ADAMTSL3: variants seen among roughly 807,000 people sequenced by gnomAD.
ADAMTSL3 encodes ADAMTS-like protein 3.
A neutral mutation model predicts 201.7 loss-of-function variants in ADAMTSL3; 128 were observed. The observed-to-expected ratio is 0.63, with a 90% CI of 0.55 to 0.73. The LOEUF (loss-of-function observed/expected upper bound fraction) is 0.73. ADAMTSL3 is among the 30% of genes least tolerant of loss of function. The pLI, the probability that ADAMTSL3 is intolerant of heterozygous loss-of-function variation, is 0.00. For missense variants in ADAMTSL3, 1,990 were observed against 2,119.6 expected, an observed-to-expected ratio of 0.94 and a Z score of 1.20; for synonymous variants, 738 against 748.4, an observed-to-expected ratio of 0.99 and a Z score of 0.23.
chr15:83,766,500 A>T (rs939545385), intron 3 of ADAMTSL3, among the ~76,000 whole-genome samples: 1 of 152,228 alleles, frequency 6.6e-6, no homozygotes, highest in African/African-American at 2.4e-5. Context: ...AAAAGACTTC[A>T]TAGAGATATC....
intron 6 of ADAMTSL3, among the ~76,000 whole-genome samples, chr15:83,837,841 T>A (rs774964014): frequency 3.6e-4 from 54 of 150,704 alleles, no homozygotes; most frequent in Non-Finnish European, 7.0e-4. Context: ...AAAATATAAA[T>A]AGAAAAGGGA....
chr15:84,033,884 C>G (rs2141944022), intron 28 of ADAMTSL3, among the ~76,000 whole-genome samples: 1 of 152,072 alleles, frequency 6.6e-6, no homozygotes, highest in Non-Finnish European at 1.5e-5. Context: ...TCAAGAGGCT[C>G]AAAATCTGAT....
intron 17 of ADAMTSL3, among the ~76,000 whole-genome samples, chr15:83,932,604 A>T (rs1327131270): frequency 6.6e-6 from 1 of 152,222 alleles, no homozygotes; most frequent in Non-Finnish European, 1.5e-5. Context: ...AATGGAAGGA[A>T]TCAGAAAGGC....
intron 23 of ADAMTSL3, among the ~76,000 whole-genome samples, chr15:84,003,274 A>G (rs952817147): frequency 6.6e-6 from 1 of 151,862 alleles, no homozygotes; most frequent in East Asian, 1.9e-4. Context: ...TGGTTACCAT[A>G]TTTCTGATAT....
chr15:83,689,132 T>C (rs888302766), intron 2 of ADAMTSL3, among the ~76,000 whole-genome samples: 2 of 152,226 alleles, frequency 1.3e-5, no homozygotes, highest in Non-Finnish European at 2.9e-5. Flanking sequence ...CTAAAACTTA[T>C]TTTATTATAA....
At chr15:83,678,930 A>G (rs1359019772) in intron 2 of ADAMTSL3, among the ~76,000 whole-genome samples, 1 of 148,646 alleles carries the variant, frequency 6.7e-6, no homozygotes, top group Admixed American at 6.7e-5. Flanking sequence ...TTATATATAT[A>G]TATTTCTTCT....
rs1338276930 is a variant in ADAMTSL3 at position 83,820,090 on chromosome 15, C to G, written c.600+43C>G. The G allele has an allele frequency of 2.0e-6, 3 of 1,485,492 alleles. No individual in the cohort carries two copies. The South Asian group carries it at 3.4e-5, about 17-fold the overall frequency. The allele number at this position is 1,485,492 out of a possible 1,614,324, so 92.0% of individuals were successfully genotyped here. On this transcript the variant is annotated intron_variant, in intron 6 of 29. Transcript: ENST00000286744. ...CCAATCCCCTGCTTTGGGGATGTGC[C>G]ACGCCTACTGTCAATAAACAGAACC...
At chr15:83,866,123 G>A (rs1213897219) in intron 8 of ADAMTSL3, among the ~76,000 whole-genome samples, 2 of 152,210 alleles carry the variant, frequency 1.3e-5, no homozygotes, top group South Asian at 2.1e-4. Context: ...GTGCTGGAGA[G>A]CATGTGGAGA....
At position 83,755,466 on chromosome 15, in the gene ADAMTSL3, T is replaced by C. The variant is rs190079656; in HGVS notation, c.190-18057T>C. Among the ~76,000 whole-genome samples the C allele has an allele frequency of 9.3e-3, 1,410 of 151,238 alleles. 10 individuals carry two copies. The highest frequency in any genetic ancestry group is 0.012 in the Non-Finnish European group (815 of 67,384). On this transcript the variant is annotated intron_variant, in intron 3 of 29. Coordinates refer to ENST00000286744, the MANE Select transcript of ADAMTSL3 (RefSeq NM_207517.3). ...GACAACCACCATTCTACTTTCTGTC[T>C]CTGTGAATTTGACTACCCTAGGCAC...
At chr15:83,938,628 T>G (rs2066501716) in intron 17 of ADAMTSL3, among the ~76,000 whole-genome samples, 1 of 152,242 alleles carries the variant, frequency 6.6e-6, no homozygotes, top group Non-Finnish European at 1.5e-5. Flanking sequence ...GGCAATCTCC[T>G]TACTTTTTTT....
chr15:83,968,767 C>T (rs1467759042), intron 19 of ADAMTSL3, among the ~76,000 whole-genome samples: 1 of 152,168 alleles, frequency 6.6e-6, no homozygotes, highest in East Asian at 1.9e-4. Flanking sequence ...CCCAAATGCC[C>T]ATCAATAATA....
intron 3 of ADAMTSL3, chr15:83,739,741 C>T: frequency 2.3e-6 from 1 of 436,074 alleles, no homozygotes; most frequent in South Asian, 1.8e-5. Flanking sequence ...TGTCACCAGC[C>T]CTTCACCTCC....
chr15:83,899,468 A>G (rs2065681554), intron 14 of ADAMTSL3, among the ~76,000 whole-genome samples, 179 bp from the exon 15 acceptor site: 1 of 152,216 alleles, frequency 6.6e-6, no homozygotes. Flanking sequence ...TTTTTAATAT[A>G]CAGCAGAAGT....
intron 3 of ADAMTSL3, among the ~76,000 whole-genome samples, chr15:83,749,725 G>A (rs1218932002): frequency 6.6e-6 from 1 of 152,160 alleles, no homozygotes; most frequent in Non-Finnish European, 1.5e-5. Context: ...GAATAGTAGT[G>A]GCAGGAGGTC....
chr15:84,029,598 G>A (rs2068367174), intron 27 of ADAMTSL3, among the ~76,000 whole-genome samples: 1 of 152,002 alleles, frequency 6.6e-6, no homozygotes, highest in Middle Eastern at 3.4e-3. Flanking sequence ...TAAAAGTTTG[G>A]AAAATTTGCA....
intron 3 of ADAMTSL3, among the ~76,000 whole-genome samples, chr15:83,721,543 A>G (rs1182016822): frequency 6.6e-6 from 1 of 152,132 alleles, no homozygotes; most frequent in Admixed American, 6.5e-5. Context: ...CTCAGTTATA[A>G]TCCAGTTCTA....
intron 19 of ADAMTSL3, among the ~76,000 whole-genome samples, chr15:83,956,885 A>T (rs2066872989): frequency 6.6e-6 from 1 of 152,194 alleles, no homozygotes; most frequent in Admixed American, 6.5e-5. Flanking sequence ...TCACTCATTT[A>T]ATCAACATTT....
intron 25 of ADAMTSL3, among the ~76,000 whole-genome samples, chr15:84,016,869 CAT>C (rs2068095871): frequency 6.6e-6 from 1 of 152,008 alleles, no homozygotes; most frequent in South Asian, 2.1e-4. Flanking sequence ...TTTTTCAAGA[CAT>C]AGTTTTCCAT....
intron 4 of ADAMTSL3, among the ~76,000 whole-genome samples, chr15:83,785,102 G>A (rs761355293): frequency 3.9e-5 from 6 of 152,134 alleles, no homozygotes; most frequent in Non-Finnish European, 7.4e-5. Flanking sequence ...ATTTTGAGCT[G>A]TGCTTCTGGA....
Sources: gnomAD v4.1 joint callset for allele counts (sites outside exome capture counted in the v4.1 genomes callset) on GRCh38, gnomAD v4.1.1 for gene constraint, MANE v1.5 for transcripts, NCBI Gene and HGNC (gene_info 2026-07-23, HGNC 2026-07-21) for gene names.